AKNA: variants seen among roughly 807,000 people sequenced by gnomAD.
The protein encoded by AKNA is AT-hook transcription factor, also known as microtubule organization protein AKNA.
Under a neutral mutation model 138.8 loss-of-function variants are expected in AKNA, and 67 were observed. The observed-to-expected ratio is 0.48, with a 90% CI of 0.40 to 0.59. The LOEUF is 0.59. Ranked by LOEUF, AKNA falls within the 20% of genes least tolerant of loss-of-function variation. The pLI is 0.00. For synonymous variants in AKNA, 737 were observed against 754.4 expected (o/e 0.98, Z 0.38); for missense variants, 1,813 against 1,880.4 (o/e 0.96, Z 0.66).
At chr9:114,349,740 A>C in intron 15 of AKNA, among the ~76,000 whole-genome samples, 1 of 151,020 alleles carries the variant, frequency 6.6e-6, no homozygotes, top group African/African-American at 2.4e-5. Flanking sequence ...TCTCCTCTCT[A>C]CCCCTCTCTT....
rs1383519641 is a variant in AKNA, at chr9:114,387,841, C to A, written c.-114+19G>T. The stretch of plus-strand genomic sequence containing the variant: ...AAGGAAAGCGGCCTCCCGGGCCCTC[C>A]TCCGTTCCAATCCCTTACCTCTCTC... On this transcript the variant is annotated intron_variant, in intron 1 of 21. Transcript: ENST00000374088. 2 of 446,926 alleles carry A rather than the reference C, an allele frequency of 4.5e-6. No individual in the cohort carries two copies. The highest frequency in any genetic ancestry group is 9.1e-6 in the Non-Finnish European group (2 of 220,680). 27.7% of individuals were successfully genotyped at this position (446,926 alleles called of 1,614,324 possible). A position where few individuals can be genotyped will look rare whatever the true frequency, so the allele number is the denominator to read the frequency against.
At chr9:114,392,730 G>A (rs114834903), upstream of AKNA, among the ~76,000 whole-genome samples, 541 of 152,268 alleles carry the variant, frequency 3.6e-3, 4 homozygotes, top group African/African-American at 0.012. Context: ...CAGGTCTAGC[G>A]ATGAGTCCTG....
chr9:114,353,356 C>T (rs773219906), intron 14 of AKNA, among the ~76,000 whole-genome samples: 4 of 152,036 alleles, frequency 2.6e-5, no homozygotes, highest in Non-Finnish European at 5.9e-5. Context: ...CCTCCGCCCC[C>T]GGGTTTAAGC....
chr9:114,337,013 G>GGGGGGGGGGGGGGCCCCCC lies in AKNA; in HGVS notation c.*40_*41insGGGGGGCCCCCCCCCCCCC. 1 of 1,185,370 alleles carries GGGGGGGGGGGGGGCCCCCC rather than the reference G, an allele frequency of 8.4e-7. No homozygotes were observed. The highest frequency in any genetic ancestry group is 1.1e-6 in the Non-Finnish European group (1 of 921,704). 73.4% of individuals were successfully genotyped at this position (1,185,370 alleles called of 1,614,324 possible). ...CCACTCCTGGCCTGGCAGGCCACCT[G>GGGGGGGGGGGGGGCCCCCC]CCCACCCACCCACCCATCTGCCTCT... On this transcript the variant is annotated 3_prime_UTR_variant, in exon 22 of 22. Coordinates refer to ENST00000374088, the MANE Select transcript of AKNA (RefSeq NM_001317950.2).
At chr9:114,372,964 C>CGGGGGGGG (rs558347748) in intron 4 of AKNA, among the ~76,000 whole-genome samples, 3 of 26,160 alleles carry the variant, frequency 1.1e-4, no homozygotes, top group African/African-American at 4.0e-4. Flanking sequence ...GGGGACGCAG[C>CGGGGGGGG]GGGGGGGGGG....
chr9:114,391,355 G>GA (rs1427251824), upstream of AKNA, among the ~76,000 whole-genome samples: 3 of 152,206 alleles, frequency 2.0e-5, no homozygotes, highest in Non-Finnish European at 4.4e-5. Flanking sequence ...ATTTTATAGT[G>GA]AGGCCCTGGT....
intron 3 of AKNA, 129 bp from the exon 4 acceptor site, chr9:114,374,296 T>A (rs1833010303): frequency 1.1e-6 from 1 of 889,740 alleles, no homozygotes; most frequent in East Asian, 2.6e-5. Context: ...CATTCAATGG[T>A]GGGATCCGAG....
chr9:114,376,406 C>A (rs776771827), intron 3 of AKNA, 60 bp downstream of exon 3: 1 of 1,582,494 alleles, frequency 6.3e-7, no homozygotes. Context: ...CCCCAATTAG[C>A]CTCCACCCCA....
rs1554832923 is a variant in AKNA at position 114,337,013 on chromosome 9, G to GGGGGGCC, written c.*40_*41insGGCCCCC. The GGGGGGCC allele has an allele frequency of 7.6e-6, 9 of 1,185,364 alleles. No individual in the cohort carries two copies. In the East Asian group the frequency reaches 9.4e-5, roughly 12 times the overall value. The allele number at this position is 1,185,364 out of a possible 1,614,324, so 73.4% of individuals were successfully genotyped here. A position where few individuals can be genotyped will look rare whatever the true frequency, so the allele number is the denominator to read the frequency against. On this transcript the variant is annotated 3_prime_UTR_variant, in exon 22 of 22. Coordinates refer to ENST00000374088, the MANE Select transcript of AKNA (RefSeq NM_001317950.2). Reference sequence around the variant, plus strand: ...CCACTCCTGGCCTGGCAGGCCACCTGCCCACCCACCCACCCATCTGCCTCT... The same window carrying GGGGGGCC: ...CCACTCCTGGCCTGGCAGGCCACCTGGGGGGCCCCCACCCACCCACCCATCTGCCTCT...
At chr9:114,384,315 A>G (rs1833887222) in intron 1 of AKNA, among the ~76,000 whole-genome samples, 1 of 152,234 alleles carries the variant, frequency 6.6e-6, no homozygotes, top group African/African-American at 2.4e-5. Flanking sequence ...TCACACCTGC[A>G]ATCCCAGCAC....
At position 114,367,667 on chromosome 9, in the gene AKNA, G is replaced by A; in HGVS notation, c.1604C>T (p.Pro535Leu). Residue 535 changes from proline (P) to leucine (L), a missense_variant, in exon 6 of 22, where the codon CCC becomes CTC. Transcript: ENST00000374088. ...GWPSARGDLS[P>L]SSLTSMPTLG... is the part of the protein sequence containing the mutation. ...GGTGGGCATGCTGGTAAGCGAGGAG[G>A]GGCTCAAGTCTCCTCGAGCTGATGG... 1.3e-6 allele frequency: 2 copies of A among 1,594,024 alleles called. No individual in the cohort carries two copies. The highest frequency in any genetic ancestry group is 1.7e-6 in the Non-Finnish European group (2 of 1,165,510).
At chr9:114,381,991 G>A (rs1379526911) in intron 1 of AKNA, among the ~76,000 whole-genome samples, 1 of 152,166 alleles carries the variant, frequency 6.6e-6, no homozygotes, top group East Asian at 1.9e-4. Flanking sequence ...AGGATGAGGA[G>A]CCCAGTGGCC....
intron 12 of AKNA, among the ~76,000 whole-genome samples, chr9:114,357,252 C>T (rs1307569694): frequency 1.3e-5 from 2 of 152,224 alleles, no homozygotes; most frequent in Non-Finnish European, 2.9e-5. Context: ...AGGCCATGGA[C>T]AAGGACTAGC....
At chr9:114,365,863 C>T (rs1007744052) in intron 6 of AKNA, among the ~76,000 whole-genome samples, 2 of 152,140 alleles carry the variant, frequency 1.3e-5, no homozygotes, top group Non-Finnish European at 2.9e-5. Context: ...TGAATTGGAC[C>T]GTGCAGCACT....
chr9:114,388,093 A>C (rs892706590), upstream of AKNA: 4 of 265,908 alleles, frequency 1.5e-5, no homozygotes, highest in Non-Finnish European at 3.3e-5. Flanking sequence ...GATTTCCTAC[A>C]AGTGTTTGTC....
At chr9:114,360,738 G>A (rs541972215) in intron 9 of AKNA, among the ~76,000 whole-genome samples, 1 of 152,220 alleles carries the variant, frequency 6.6e-6, no homozygotes, top group South Asian at 2.1e-4. Flanking sequence ...TGCAGCACAG[G>A]CAACAGGAGT....
chr9:114,379,443 G>C (rs532039354), intron 2 of AKNA, among the ~76,000 whole-genome samples: 1 of 152,168 alleles, frequency 6.6e-6, no homozygotes, highest in Admixed American at 6.5e-5. Context: ...CTGCCCTGTC[G>C]ACCCAGTGCA....
Position 114,359,923 on chromosome 9 carries a change from T to C in AKNA, c.2264A>G (p.Glu755Gly). The C allele has an allele frequency of 6.2e-7, 1 of 1,614,192 alleles. No individual in the cohort carries two copies. The highest frequency in any genetic ancestry group is 8.5e-7 in the Non-Finnish European group (1 of 1,180,026). Residue 755 changes from glutamate (E) to glycine (G), a missense_variant, in exon 10 of 22, where the codon GAG becomes GGG. Coordinates refer to ENST00000374088, the MANE Select transcript of AKNA (RefSeq NM_001317950.2). ...ARLRHKELQM[E>G]QVYHGLMERY... Reference sequence around the variant, plus strand: ...CTCCATGAGGCCATGGTAAACTTGCTCCATCTGCAGCTCCTTGTGCCTGAG... The same window carrying C: ...CTCCATGAGGCCATGGTAAACTTGCCCCATCTGCAGCTCCTTGTGCCTGAG...
intron 4 of AKNA, among the ~76,000 whole-genome samples, chr9:114,371,026 A>G (rs1250232422): frequency 6.6e-6 from 1 of 151,760 alleles, no homozygotes; most frequent in Non-Finnish European, 1.5e-5. Context: ...GCTGGGGGGG[A>G]GGTGGCAACA....
Sources: allele counts gnomAD v4.1 joint callset (sites outside exome capture counted in the v4.1 genomes callset), GRCh38; gene constraint gnomAD v4.1.1; transcripts MANE v1.5; gene names NCBI Gene and HGNC (gene_info 2026-07-23, HGNC 2026-07-21).